The following VWC2L variants were observed in gnomAD, a reference collection of about 807,000 sequenced individuals.
The protein encoded by VWC2L is von Willebrand factor C domain containing 2 like, also known as von Willebrand factor C domain-containing protein 2-like.
VWC2L carries 10 observed loss-of-function variants against 21.6 expected under a neutral mutation model. The ratio of observed to expected loss-of-function variants is 0.46; its 90% CI spans 0.29 to 0.78. The LOEUF is 0.78. Ranked by LOEUF, VWC2L falls within the 30% of genes least tolerant of loss-of-function variation. The pLI, the probability that VWC2L is intolerant of heterozygous loss-of-function variation, is 0.10. For missense variants in VWC2L, 209 were observed against 277.1 expected (o/e 0.75, Z 1.74); for synonymous variants, 96 against 94.3 (o/e 1.02, Z -0.10).
intron 3 of VWC2L, among the ~76,000 whole-genome samples, chr2:214,472,649 C>A (rs1703326918): frequency 6.6e-6 from 1 of 152,150 alleles, no homozygotes; most frequent in African/African-American, 2.4e-5. Context: ...AGACCTAGAG[C>A]ACAAGTTCTA....
intron 3 of VWC2L, among the ~76,000 whole-genome samples, chr2:214,557,904 C>T (rs1689898756): frequency 6.6e-6 from 1 of 152,142 alleles, no homozygotes; most frequent in African/African-American, 2.4e-5. Flanking sequence ...AAAGATATTT[C>T]TCTCTCATTT....
chr2:214,578,114 T>A lies in VWC2L; in HGVS notation c.*2294T>A, dbSNP rs1171479599. The A allele has an allele frequency of 6.6e-6, 1 of 152,106 alleles. No individual in the cohort carries two copies. The highest frequency in any genetic ancestry group is 1.9e-4 in the East Asian group (1 of 5,192). 9.4% of individuals were successfully genotyped at this position (152,106 alleles called of 1,614,324 possible). A position where few individuals can be genotyped will look rare whatever the true frequency, so the allele number is the denominator to read the frequency against. On this transcript the variant is annotated 3_prime_UTR_variant, in exon 4 of 4. Transcript: ENST00000312504. ...GGTTGCCTGTTGCCAACTTCAAAAA[T>A]CCACACTCTTGGAAAGAAATAATAA... is the stretch of plus-strand genomic sequence containing the variant.
chr2:214,559,807 C>T (rs1204805678), intron 3 of VWC2L, among the ~76,000 whole-genome samples: 4 of 152,078 alleles, frequency 2.6e-5, no homozygotes, highest in African/African-American at 9.7e-5. Context: ...TAGTATGTTG[C>T]CCAGGCTAGT....
chr2:214,563,620 T>C (rs1385663197), intron 3 of VWC2L, among the ~76,000 whole-genome samples: 2 of 149,948 alleles, frequency 1.3e-5, no homozygotes, highest in African/African-American at 5.0e-5. Flanking sequence ...TTCTGAGTTC[T>C]CTAATCTGTT....
intron 2 of VWC2L, among the ~76,000 whole-genome samples, chr2:214,427,207 A>G (rs1324935027): frequency 6.6e-6 from 1 of 152,218 alleles, no homozygotes; most frequent in Non-Finnish European, 1.5e-5. Flanking sequence ...CCTAAATATG[A>G]CAGAGAAAAA....
At chr2:214,525,420 C>G (rs983979588) in intron 3 of VWC2L, 9 of 152,106 alleles carry the variant, frequency 5.9e-5, no homozygotes, top group Non-Finnish European at 1.3e-4. Context: ...ATTACTGTTA[C>G]CCGGGTGAGG....
At chr2:214,449,217 T>C (rs946697863) in intron 3 of VWC2L, among the ~76,000 whole-genome samples, 3 of 152,162 alleles carry the variant, frequency 2.0e-5, no homozygotes, top group African/African-American at 7.2e-5. Context: ...GAGAGTATTT[T>C]TGAATGTGTG....
chr2:214,462,222 G>C (rs1703154688), intron 3 of VWC2L, among the ~76,000 whole-genome samples: 2 of 152,134 alleles, frequency 1.3e-5, no homozygotes, highest in Non-Finnish European at 2.9e-5. Flanking sequence ...TGGACTCCAG[G>C]CAGCTCCCTA....
intron 3 of VWC2L, among the ~76,000 whole-genome samples, chr2:214,448,837 T>G (rs1702912115): frequency 6.6e-6 from 1 of 152,196 alleles, no homozygotes. Context: ...GACCAGCCAT[T>G]GAGAAAACAT....
intron 3 of VWC2L, among the ~76,000 whole-genome samples, chr2:214,538,647 A>C (rs1689578399): frequency 7.1e-6 from 1 of 141,568 alleles, no homozygotes; most frequent in South Asian, 2.2e-4. Context: ...AGTACATTAT[A>C]GTATATATAA....
chr2:214,545,251 A>G (rs2105922623), intron 3 of VWC2L, among the ~76,000 whole-genome samples: 1 of 152,334 alleles, frequency 6.6e-6, no homozygotes, highest in South Asian at 2.1e-4. Flanking sequence ...GTACTTTAGG[A>G]GCACTGACAT....
At chr2:214,547,065 C>T (rs1367207730) in intron 3 of VWC2L, among the ~76,000 whole-genome samples, 1 of 151,946 alleles carries the variant, frequency 6.6e-6, no homozygotes, top group Non-Finnish European at 1.5e-5. Flanking sequence ...CAAGGATGGC[C>T]CTAAAAAGAA....
intron 3 of VWC2L, among the ~76,000 whole-genome samples, chr2:214,482,894 G>A (rs776375126): frequency 2.0e-5 from 3 of 152,024 alleles, no homozygotes; most frequent in Non-Finnish European, 4.4e-5. Flanking sequence ...TGCCCCATTC[G>A]AGGGGGCGGG....
chr2:214,521,550 G>A (rs1198063301), intron 3 of VWC2L, among the ~76,000 whole-genome samples: 2 of 152,046 alleles, frequency 1.3e-5, no homozygotes, highest in Non-Finnish European at 1.5e-5. Context: ...TTAACTGTCT[G>A]CCCCAAATAA....
At chr2:214,461,566 T>C (rs1038626346) in intron 3 of VWC2L, among the ~76,000 whole-genome samples, 3 of 152,132 alleles carry the variant, frequency 2.0e-5, no homozygotes, top group Non-Finnish European at 4.4e-5. Context: ...CCAGAACACC[T>C]GTTGCTAGGC....
chr2:214,455,766 T>C (rs2126186581), intron 3 of VWC2L, among the ~76,000 whole-genome samples: 1 of 152,314 alleles, frequency 6.6e-6, no homozygotes, highest in African/African-American at 2.4e-5. Flanking sequence ...AGATTAACTT[T>C]CTTAGCTCCC....
chr2:214,544,469 C>A (rs1240622776), intron 3 of VWC2L, among the ~76,000 whole-genome samples: 2 of 152,162 alleles, frequency 1.3e-5, no homozygotes, highest in Non-Finnish European at 2.9e-5. Context: ...GCCTGGAGGT[C>A]TTTCAGGAAC....
chr2:214,486,114 TATGTTA>T (rs1688669150), intron 3 of VWC2L, among the ~76,000 whole-genome samples: 1 of 152,204 alleles, frequency 6.6e-6, no homozygotes. Flanking sequence ...TAGCCATGGC[TATGTTA>T]AACTATAATT....
At chr2:214,496,520 C>A (rs1414668453) in intron 3 of VWC2L, among the ~76,000 whole-genome samples, 2 of 152,212 alleles carry the variant, frequency 1.3e-5, no homozygotes, top group Non-Finnish European at 2.9e-5. Context: ...GATAGACCTC[C>A]TAATTAATTT....
Sources: allele counts gnomAD v4.1 joint callset (sites outside exome capture counted in the v4.1 genomes callset), GRCh38; gene constraint gnomAD v4.1.1; transcripts MANE v1.5; gene names NCBI Gene and HGNC (gene_info 2026-07-23, HGNC 2026-07-21).